The following USP36 variants were observed in gnomAD, a reference collection of about 807,000 sequenced individuals.
The protein encoded by USP36 is ubiquitin carboxyl-terminal hydrolase 36.
A neutral mutation model predicts 111.5 loss-of-function variants in USP36; 59 were observed. That is an observed-to-expected ratio of 0.53 (90% CI 0.43 to 0.66). The LOEUF (loss-of-function observed/expected upper bound fraction) is 0.66, where lower values mean the gene tolerates loss of function less well. Among genes scored for constraint, USP36 ranks in the 30% least tolerant of loss-of-function variants. The pLI, the probability that USP36 is intolerant of heterozygous loss-of-function variation, is 0.00. For missense variants in USP36, 1,488 were observed against 1,468.0 expected, an observed-to-expected ratio of 1.01 and a Z score of -0.22; for synonymous variants, 628 against 581.0, an observed-to-expected ratio of 1.08 and a Z score of -1.16.
intron 2 of USP36, among the ~76,000 whole-genome samples, chr17:78,837,239 G>A (rs2068767885): frequency 6.6e-6 from 1 of 152,048 alleles, no homozygotes; most frequent in Non-Finnish European, 1.5e-5. Context: ...TTAAAAGTGA[G>A]GAAGGAGAAG....
chr17:78,815,768 TA>T, intron 10 of USP36, among the ~76,000 whole-genome samples: 1 of 152,100 alleles, frequency 6.6e-6, no homozygotes, highest in Non-Finnish European at 1.5e-5. Flanking sequence ...CATGCACGCA[TA>T]AAATACATGC....
At chr17:78,800,166 A>G (rs2093705138) in intron 17 of USP36, among the ~76,000 whole-genome samples, 1 of 151,746 alleles carries the variant, frequency 6.6e-6, no homozygotes, top group Non-Finnish European at 1.5e-5. Context: ...AACCCCTTTA[A>G]CCAGTAGTGT....
At chr17:78,834,261 C>G (rs1370387503) in intron 4 of USP36, among the ~76,000 whole-genome samples, 1 of 151,418 alleles carries the variant, frequency 6.6e-6, no homozygotes, top group Non-Finnish European at 1.5e-5. Flanking sequence ...AAAAGTTACA[C>G]AGAAATAACA....
At chr17:78,795,428 GC>G (rs1447751692), downstream of USP36, among the ~76,000 whole-genome samples, 1 of 152,204 alleles carries the variant, frequency 6.6e-6, no homozygotes, top group Non-Finnish European at 1.5e-5. This position sits in a 1 kb window ranked among gnomAD's most constrained non-coding sequence, Gnocchi z 4.5. Flanking sequence ...CTCAACAGGA[GC>G]CGCTGCACGG....
In USP36 at chr17:78,807,273, C is replaced by T. The variant is rs751671826; in HGVS notation, c.1771G>A (p.Ala591Thr). The T allele has an allele frequency of 1.1e-5, 18 of 1,614,016 alleles. No individual in the cohort carries two copies. Among genetic ancestry groups the T allele is most frequent in the Non-Finnish European group, 1.7e-6 (2 of 1,180,012 alleles). Residue 591 changes from alanine to threonine, a missense_variant, in exon 14 of 21, where the codon GCC becomes ACC. By Grantham distance (58) the Ala-to-Thr change is moderately conservative. Around this residue, in one of 3 missense-constraint regions of USP36, gnomAD observed 1,073 missense variants for 994.1 expected, o/e 1.08. Coordinates refer to ENST00000449938, the MANE Select transcript of USP36 (RefSeq NM_001385174.1). ...TSPKLLATATANGHGLKGNDE... is the reference protein window; with the variant it reads ...TSPKLLATATTNGHGLKGNDE... ...TTCCCCTTCAGCCCATGCCCGTTGGCAGTGGCTGTAGCCAGGAGCTTAGGT... is the reference window on the plus strand; with the variant it reads ...TTCCCCTTCAGCCCATGCCCGTTGGTAGTGGCTGTAGCCAGGAGCTTAGGT...
At chr17:78,804,086 G>C in intron 15 of USP36, 108 bp from the exon 16 acceptor site, 2 of 773,206 alleles carry the variant, frequency 2.6e-6, no homozygotes, top group South Asian at 1.8e-5. Flanking sequence ...ATCTGAAAAG[G>C]CTTTTACCCT....
At position 78,798,669 on chromosome 17, in the gene USP36, C is replaced by A. The variant is rs949229783; in HGVS notation, c.3241-118G>T. Reference sequence around the variant, plus strand: ...CGGGCTCTCATGAGCTCTCTGGAGACCCACTCTTCACAATGACCCCTGTGC... The same window carrying A: ...CGGGCTCTCATGAGCTCTCTGGAGAACCACTCTTCACAATGACCCCTGTGC... On this transcript the variant is annotated intron_variant, in intron 19 of 20. Transcript: ENST00000449938. The surrounding 1 kb of genome is among the most constrained non-coding windows in gnomAD (Gnocchi z 5.1). 6.7e-7 allele frequency: 1 copy of A among 1,491,486 alleles called. No homozygotes were observed. Among genetic ancestry groups the A allele is most frequent in the African/African-American group, 1.4e-5 (1 of 71,920 alleles). 92.4% of individuals were successfully genotyped at this position (1,491,486 alleles called of 1,614,324 possible).
intron 13 of USP36, among the ~76,000 whole-genome samples, chr17:78,808,179 C>T (rs76011270): frequency 6.6e-6 from 1 of 152,172 alleles, no homozygotes; most frequent in Non-Finnish European, 1.5e-5. Context: ...ATGGTTCTGG[C>T]CTGAAGAGTT....
At chr17:78,795,009 G>GAAA (rs78492260), downstream of USP36, among the ~76,000 whole-genome samples, 2 of 115,504 alleles carry the variant, frequency 1.7e-5, no homozygotes, top group African/African-American at 3.2e-5. This position sits in a 1 kb window ranked among gnomAD's most constrained non-coding sequence, Gnocchi z 4.5. Context: ...CTCTGTTCGG[G>GAAA]AAAAAAAAAA....
At chr17:78,834,057 A>G (rs919753792) in intron 4 of USP36, among the ~76,000 whole-genome samples, 4 of 151,920 alleles carry the variant, frequency 2.6e-5, no homozygotes, top group African/African-American at 9.7e-5. Flanking sequence ...GACCAGCCTG[A>G]CCAACATGGT....
At chr17:78,812,405 A>G (rs1025065408) in intron 13 of USP36, among the ~76,000 whole-genome samples, 3 of 152,024 alleles carry the variant, frequency 2.0e-5, no homozygotes, top group Non-Finnish European at 4.4e-5. Context: ...AAGAAATAAC[A>G]TTGGCCGGGC....
chr17:78,825,445 G>C (rs1289035880), intron 6 of USP36, among the ~76,000 whole-genome samples: 1 of 152,106 alleles, frequency 6.6e-6, no homozygotes, highest in Non-Finnish European at 1.5e-5. Context: ...CTACAGACCA[G>C]TGAAAGCTCC....
chr17:78,814,805 C>T (rs768793832), intron 10 of USP36, among the ~76,000 whole-genome samples: 11 of 152,040 alleles, frequency 7.2e-5, no homozygotes, highest in Non-Finnish European at 1.6e-4. Context: ...AAAAAATTAG[C>T]TGGGCATGGT....
Position 78,821,990 on chromosome 17 carries a change from G to A in USP36, c.704C>T (p.Thr235Met), listed in dbSNP as rs781661637. 9 of 1,614,112 alleles carry A rather than the reference G, an allele frequency of 5.6e-6. No individual in the cohort carries two copies. The highest frequency in any genetic ancestry group is 2.2e-5 in the East Asian group (1 of 44,878). The change falls in exon 7 of 21, where the codon ACG becomes ATG. Residue 235 changes from threonine to methionine, a missense_variant. Physicochemically the swap from Thr to Met is moderately conservative, Grantham distance 81. Coordinates refer to ENST00000449938, the MANE Select transcript of USP36 (RefSeq NM_001385174.1). ...TTGATGGACCAAGGTAGTAGCCTGC[G>A]TTTGACGATCCAACCTGAAAAGGAG... ...LNGCAKLDRQ[T>M]QATTLVHQIF...
At chr17:78,810,826 T>A (rs1440189723) in intron 13 of USP36, among the ~76,000 whole-genome samples, 2 of 151,968 alleles carry the variant, frequency 1.3e-5, no homozygotes, top group Non-Finnish European at 2.9e-5. Flanking sequence ...TCAAAAACAG[T>A]CATCCAGGCC....
intron 13 of USP36, among the ~76,000 whole-genome samples, chr17:78,809,869 T>C (rs1326768336): frequency 1.3e-5 from 2 of 151,762 alleles, no homozygotes; most frequent in Admixed American, 1.3e-4. Context: ...TTTTTTGAGA[T>C]GGAGTCCCGC....
chr17:78,818,967 G>A, intron 9 of USP36, 189 bp from the exon 10 acceptor site: 3 of 540,812 alleles, frequency 5.5e-6, no homozygotes, highest in Admixed American at 3.2e-5. Flanking sequence ...GCTACCACAG[G>A]GAAATAAGAC....
chr17:78,813,489 A>G (rs1176116597), intron 12 of USP36, among the ~76,000 whole-genome samples: 1 of 152,194 alleles, frequency 6.6e-6, no homozygotes, highest in Non-Finnish European at 1.5e-5. Flanking sequence ...GCTACCATCC[A>G]GGGAGCAGTA....
chr17:78,806,847 C>T, intron 14 of USP36, 112 bp downstream of exon 14: 2 of 1,415,550 alleles, frequency 1.4e-6, no homozygotes, highest in Non-Finnish European at 1.9e-6. Flanking sequence ...GTTCCTCTAA[C>T]ATGAGGGAGG....
Sources: gnomAD v4.1 joint callset for allele counts (sites outside exome capture counted in the v4.1 genomes callset) on GRCh38, gnomAD v4.1.1 for gene constraint, gnomAD v4.1.1 regional missense constraint, Gnocchi (gnomAD v3.1) non-coding constraint, MANE v1.5 for transcripts, NCBI Gene and HGNC (gene_info 2026-07-23, HGNC 2026-07-21) for gene names.